PRDM16: variants seen among roughly 807,000 people sequenced by gnomAD.
PRDM16 encodes PR/SET domain 16.
A neutral mutation model predicts 110.6 loss-of-function variants in PRDM16; 23 were observed. The observed-to-expected ratio is 0.21, with a 90% CI of 0.15 to 0.29. The LOEUF (loss-of-function observed/expected upper bound fraction) is 0.29. PRDM16 is among the 10% of genes least tolerant of loss of function. The pLI, the probability that PRDM16 is intolerant of heterozygous loss-of-function variation, is 1.00. For missense variants in PRDM16, 1,615 were observed against 1,794.3 expected (o/e 0.90, Z 1.81); for synonymous variants, 799 against 781.8 (o/e 1.02, Z -0.37).
chr1:3,260,590 G>A (rs957483544), intron 3 of PRDM16, among the ~76,000 whole-genome samples: 11 of 150,982 alleles, frequency 7.3e-5, no homozygotes, highest in Non-Finnish European at 1.3e-4. Context: ...GATGATGCTG[G>A]TGATGAGGTT....
chr1:3,386,217 GT>G, intron 4 of PRDM16, among the ~76,000 whole-genome samples: 1 of 151,184 alleles, frequency 6.6e-6, no homozygotes, highest in Middle Eastern at 3.4e-3. Flanking sequence ...ATATCTTGGG[GT>G]CATACATGAG....
rs901682427 is a variant in PRDM16 at position 3,434,160 on chromosome 1, G to C, written c.*349G>C. ...CTGGTGGCCACTGCCGGGTGCCCGC[G>C]TGGGGTCGCGGAAGGGAATGGATAG... On this transcript the variant is annotated 3_prime_UTR_variant, in exon 17 of 17. Coordinates refer to ENST00000270722, the MANE Select transcript of PRDM16 (RefSeq NM_022114.4). 9.2e-6 allele frequency: 3 copies of C among 324,496 alleles called. No homozygotes were observed. The highest frequency in any genetic ancestry group is 4.2e-5 in the African/African-American group (2 of 48,100). 20.1% of individuals were successfully genotyped at this position (324,496 alleles called of 1,614,324 possible). A position where few individuals can be genotyped will look rare whatever the true frequency, so the allele number is the denominator to read the frequency against.
At chr1:3,088,460 T>C (rs1642200484) in intron 1 of PRDM16, among the ~76,000 whole-genome samples, 1 of 150,706 alleles carries the variant, frequency 6.6e-6, no homozygotes, top group African/African-American at 2.4e-5. Flanking sequence ...TATTTATTTA[T>C]TTATTTATTT....
chr1:3,135,063 G>A (rs772187456), intron 1 of PRDM16, among the ~76,000 whole-genome samples: 20 of 152,292 alleles, frequency 1.3e-4, no homozygotes, highest in South Asian at 8.3e-4. Flanking sequence ...TGCCACCCCC[G>A]GGTCAGGGGC....
At chr1:3,104,909 C>T (rs948796248) in intron 1 of PRDM16, among the ~76,000 whole-genome samples, 1 of 152,152 alleles carries the variant, frequency 6.6e-6, no homozygotes, top group Non-Finnish European at 1.5e-5. Context: ...TGAACACCCA[C>T]CCGGAGGTAG....
intron 1 of PRDM16, among the ~76,000 whole-genome samples, chr1:3,074,398 C>T (rs1641842697): frequency 6.6e-6 from 1 of 152,054 alleles, no homozygotes; most frequent in Non-Finnish European, 1.5e-5. Flanking sequence ...CCGTTAATTC[C>T]ATAGGGTTTT....
chr1:3,384,619 G>C (rs1643164517), intron 3 of PRDM16, among the ~76,000 whole-genome samples: 1 of 152,248 alleles, frequency 6.6e-6, no homozygotes, highest in Non-Finnish European at 1.5e-5. Flanking sequence ...TCATGCTGCT[G>C]GGTGTCAAAC....
chr1:3,422,174 G>T (rs537919756), intron 12 of PRDM16, among the ~76,000 whole-genome samples: 2 of 148,196 alleles, frequency 1.3e-5, no homozygotes, highest in East Asian at 4.0e-4. Context: ...AGGCAGGAAG[G>T]CAGATAGATA....
chr1:3,071,846 C>T (rs976999124), intron 1 of PRDM16, among the ~76,000 whole-genome samples: 1 of 152,208 alleles, frequency 6.6e-6, no homozygotes, highest in Non-Finnish European at 1.5e-5. Context: ...ATTTCGGGGG[C>T]CACCGCCGAG....
At chr1:3,397,352 A>G (rs1643401423) in intron 5 of PRDM16, among the ~76,000 whole-genome samples, 1 of 152,086 alleles carries the variant, frequency 6.6e-6, no homozygotes, top group African/African-American at 2.4e-5. Flanking sequence ...TTTCCCTTTC[A>G]CCTTCCTCCA....
intron 1 of PRDM16, among the ~76,000 whole-genome samples, chr1:3,073,750 C>G (rs1304380437): frequency 6.6e-6 from 1 of 152,176 alleles, no homozygotes; most frequent in African/African-American, 2.4e-5. Flanking sequence ...TACCGCGGAG[C>G]AGCGCCCGCG....
At chr1:3,234,197 G>A (rs768832943) in intron 2 of PRDM16, among the ~76,000 whole-genome samples, 1 of 152,170 alleles carries the variant, frequency 6.6e-6, no homozygotes, top group Non-Finnish European at 1.5e-5. Flanking sequence ...TCATCCCCCT[G>A]TTCTGGGGGC....
intron 1 of PRDM16, among the ~76,000 whole-genome samples, chr1:3,110,200 A>G (rs12757693): frequency 0.011 from 842 of 74,486 alleles, 23 homozygotes; most frequent in African/African-American, 0.037. Flanking sequence ...TGTCCTGGGT[A>G]TGGGGACACA....
intron 1 of PRDM16, among the ~76,000 whole-genome samples, chr1:3,101,603 A>T (rs1461368729): frequency 6.6e-6 from 1 of 152,186 alleles, no homozygotes; most frequent in Non-Finnish European, 1.5e-5. Flanking sequence ...CTTCCTTGAC[A>T]CTGTGCAAGG....
At chr1:3,139,436 G>T (rs1466270058) in intron 1 of PRDM16, among the ~76,000 whole-genome samples, 1 of 152,238 alleles carries the variant, frequency 6.6e-6, no homozygotes. Context: ...ACTTGCTTTT[G>T]TGGGTGCTGA....
chr1:3,306,515 T>C (rs1353966084), intron 3 of PRDM16: 3 of 152,160 alleles, frequency 2.0e-5, no homozygotes, highest in African/African-American at 7.2e-5. Flanking sequence ...AGACAGACTT[T>C]TGTCTTATAG....
At position 3,339,210 on chromosome 1, in the gene PRDM16, G is replaced by A. The variant is rs72632195; in HGVS notation, c.439-45942G>A. On this transcript the variant is annotated intron_variant, in intron 3 of 16. Coordinates refer to ENST00000270722, the MANE Select transcript of PRDM16 (RefSeq NM_022114.4). The surrounding 1 kb of genome is among the most constrained non-coding windows in gnomAD (Gnocchi z 5.0). ...CCCTCACCTCCAGCTGCTGAAAGCC[G>A]AACCACGTTTTGTGGGATACTGCCC... is the stretch of plus-strand genomic sequence containing the variant. Among the ~76,000 whole-genome samples the A allele has an allele frequency of 0.022, 3,332 of 152,150 alleles. 57 individuals carry two copies. The highest frequency in any genetic ancestry group is 0.034 in the Non-Finnish European group (2,328 of 67,994).
At chr1:3,432,606 C>T (rs986984489) in intron 16 of PRDM16, among the ~76,000 whole-genome samples, 5 of 152,196 alleles carry the variant, frequency 3.3e-5, no homozygotes, top group African/African-American at 9.7e-5. Flanking sequence ...AGGCGCTTCT[C>T]GGCTTCTCTC....
intron 3 of PRDM16, among the ~76,000 whole-genome samples, chr1:3,377,813 A>T (rs1002007896): frequency 1.6e-4 from 24 of 152,172 alleles, no homozygotes; most frequent in Non-Finnish European, 3.5e-4. Flanking sequence ...TCCTGTGTTC[A>T]TTGATCACGC....
Sources: allele counts gnomAD v4.1 joint callset (sites outside exome capture counted in the v4.1 genomes callset), GRCh38; gene constraint gnomAD v4.1.1; non-coding constraint Gnocchi (gnomAD v3.1); transcripts MANE v1.5; gene names NCBI Gene and HGNC (gene_info 2026-07-23, HGNC 2026-07-21).